ANK2: variants seen among roughly 807,000 people sequenced by gnomAD.
ANK2 encodes ankyrin-2.
ANK2 carries 83 observed loss-of-function variants against 360.5 expected under a neutral mutation model. The ratio of observed to expected loss-of-function variants is 0.23; its 90% CI spans 0.19 to 0.28. The LOEUF (loss-of-function observed/expected upper bound fraction) is 0.28, where lower values mean the gene tolerates loss of function less well. Among genes scored for constraint, ANK2 ranks in the 10% least tolerant of loss-of-function variants. The pLI is 1.00. For missense variants in ANK2, 4,201 were observed against 4,795.7 expected (o/e 0.88, Z 3.66); for synonymous variants, 1,740 against 1,759.5 (o/e 0.99, Z 0.28).
At chr4:112,996,623 C>T (rs369174715) in intron 2 of ANK2, among the ~76,000 whole-genome samples, 39 of 151,818 alleles carry the variant, frequency 2.6e-4, no homozygotes, top group African/African-American at 8.2e-4. Context: ...TTTGTGGGTA[C>T]GTGGTATATT....
At chr4:112,867,130 T>C (rs2070904600) in intron 1 of ANK2, among the ~76,000 whole-genome samples, 3 of 152,046 alleles carry the variant, frequency 2.0e-5, no homozygotes, top group African/African-American at 7.2e-5. Flanking sequence ...TACATTTTTT[T>C]TTCCTTGAAC....
chr4:113,310,033 T>C (rs1470018126), intron 23 of ANK2, among the ~76,000 whole-genome samples: 1 of 152,240 alleles, frequency 6.6e-6, no homozygotes, highest in Non-Finnish European at 1.5e-5. Flanking sequence ...AGCCAGACTC[T>C]TCTTTTATCT....
intron 4 of ANK2, among the ~76,000 whole-genome samples, chr4:113,204,176 G>T (rs2098905956): frequency 6.6e-6 from 1 of 151,792 alleles, no homozygotes; most frequent in Admixed American, 6.6e-5. Flanking sequence ...ATTAAAATCG[G>T]AAGGAGCACT....
At chr4:112,710,964 A>G in the ANK2 span, among the ~76,000 whole-genome samples, 1 of 115,060 alleles carries the variant, frequency 8.7e-6, no homozygotes, top group Non-Finnish European at 1.8e-5. Context: ...TTTATTTTTT[A>G]TTATAAATAG....
chr4:112,963,104 C>T (rs964779080), intron 2 of ANK2, among the ~76,000 whole-genome samples: 1 of 151,848 alleles, frequency 6.6e-6, no homozygotes, highest in African/African-American at 2.4e-5. Context: ...TAGTTCTGAC[C>T]CCATTGTCGT....
intron 1 of ANK2, among the ~76,000 whole-genome samples, chr4:113,147,606 C>T (rs1011230798): frequency 6.6e-6 from 1 of 152,086 alleles, no homozygotes; most frequent in African/African-American, 2.4e-5. Flanking sequence ...AGAATTTTTC[C>T]ACTTTGGCCA....
chr4:113,029,894 C>T lies in ANK2; in HGVS notation c.21+125380C>T, dbSNP rs144634580. Among the ~76,000 whole-genome samples the T allele has an allele frequency of 7.4e-3, 1,120 of 152,178 alleles. 9 individuals carry two copies. The highest frequency in any genetic ancestry group is 8.8e-3 in the Non-Finnish European group (596 of 67,980). On this transcript the variant is annotated intron_variant, in intron 2 of 30. Coordinates refer to the ANK2 transcript ENST00000503271. ...AAACAATAAAACATGAATACCTGGT[C>T]ATTTGATTAGCATCCATACAATTTT... is the stretch of plus-strand genomic sequence containing the variant.
At chr4:113,331,849 C>T (rs2092523911) in intron 27 of ANK2, 123 bp from the exon 28 acceptor site, 1 of 911,872 alleles carries the variant, frequency 1.1e-6, no homozygotes. Context: ...GGGGGCAGAA[C>T]CAAACGCAGT....
chr4:112,870,052 G>C (rs1012020887), intron 1 of ANK2, among the ~76,000 whole-genome samples: 41 of 152,074 alleles, frequency 2.7e-4, no homozygotes, highest in African/African-American at 9.7e-4. Context: ...AGGCTGGAGT[G>C]CAGTGGCGAG....
At chr4:113,302,914 A>G in intron 23 of ANK2, 75 bp downstream of exon 23, 1 of 1,257,018 alleles carries the variant, frequency 8.0e-7, no homozygotes, top group Admixed American at 1.7e-5. Context: ...TTTTTCAGAG[A>G]CCAAGCTGGT....
intron 5 of ANK2, among the ~76,000 whole-genome samples, chr4:113,236,385 A>G (rs985939538): frequency 6.6e-6 from 1 of 152,168 alleles, no homozygotes; most frequent in Admixed American, 6.5e-5. Context: ...TTATATCTCA[A>G]TGGTCAAAAT....
chr4:112,713,929 G>T, the ANK2 span, among the ~76,000 whole-genome samples: 2 of 112,676 alleles, frequency 1.8e-5, no homozygotes, highest in Admixed American at 8.7e-5. Context: ...GCGAGACTCC[G>T]TCTCAAAAAA....
chr4:112,870,944 T>A (rs769618342), intron 1 of ANK2, among the ~76,000 whole-genome samples: 1 of 152,218 alleles, frequency 6.6e-6, no homozygotes, highest in Non-Finnish European at 1.5e-5. Flanking sequence ...TTTATTTAGG[T>A]CCTCATTGAT....
At position 113,097,143 on chromosome 4, in the gene ANK2, ACTCT is replaced by A. The variant is rs201542174; in HGVS notation, c.84+47341_84+47344del. Among the ~76,000 whole-genome samples, 15 of 115,898 alleles carry A rather than the reference ACTCT, an allele frequency of 1.3e-4. No homozygotes were observed. In the East Asian group the frequency reaches 2.0e-3, roughly 15 times the overall value. The allele number at this position is 115,898 out of a possible 152,430, so 76.0% of individuals were successfully genotyped here. A position where few individuals can be genotyped will look rare whatever the true frequency, so the allele number is the denominator to read the frequency against. On this transcript the variant is annotated intron_variant, in intron 1 of 45. Transcript: ENST00000357077. ...GATTTTCTTAAAGTGAGTCACTCAT[ACTCT>A]CTCTCTCTCATATGCTGGAATAGTC...
At chr4:113,152,216 T>C in intron 1 of ANK2, 1 of 152,142 alleles carries the variant, frequency 6.6e-6, no homozygotes, top group Non-Finnish European at 1.5e-5. Flanking sequence ...AACTTTTGAA[T>C]AATATCTCTT....
At chr4:113,041,395 G>T (rs2154314376) in intron 2 of ANK2, among the ~76,000 whole-genome samples, 1 of 152,230 alleles carries the variant, frequency 6.6e-6, no homozygotes, top group South Asian at 2.1e-4. Context: ...GGATGTTGCT[G>T]GGTGTGGCTT....
chr4:113,024,951 T>G (rs2058954406), intron 2 of ANK2, among the ~76,000 whole-genome samples: 1 of 152,182 alleles, frequency 6.6e-6, no homozygotes, highest in African/African-American at 2.4e-5. Flanking sequence ...AATTTTTTAA[T>G]ATAATATTTC....
At chr4:112,706,273 A>T in the ANK2 span, among the ~76,000 whole-genome samples, 1 of 152,004 alleles carries the variant, frequency 6.6e-6, no homozygotes, top group Non-Finnish European at 1.5e-5. Context: ...CGCGTCCCCC[A>T]AGGGCGGGGA....
At chr4:113,376,757 C>T (rs1227470673) in intron 45 of ANK2, among the ~76,000 whole-genome samples, 1 of 136,832 alleles carries the variant, frequency 7.3e-6, no homozygotes, top group Non-Finnish European at 1.6e-5. Context: ...AAACTTTTTT[C>T]TGCTTTTAAT....
Sources: gnomAD v4.1 joint callset for allele counts (sites outside exome capture counted in the v4.1 genomes callset) on GRCh38, gnomAD v4.1.1 for gene constraint, MANE v1.5 for transcripts, NCBI Gene and HGNC (gene_info 2026-07-23, HGNC 2026-07-21) for gene names.